Variants in HCN4 observed in about 807,000 individuals in gnomAD.
The protein encoded by HCN4 is potassium/sodium hyperpolarization-activated cyclic nucleotide-gated channel 4.
Under a neutral mutation model 76.9 loss-of-function variants are expected in HCN4, and 29 were observed. The ratio of observed to expected loss-of-function variants is 0.38; its 90% CI spans 0.28 to 0.51. The LOEUF (loss-of-function observed/expected upper bound fraction) is 0.51, where lower values mean the gene tolerates loss of function less well. Ranked by LOEUF, HCN4 falls within the 20% of genes least tolerant of loss-of-function variation. The probability of loss-of-function intolerance (pLI) is 0.90; values close to 1 mark genes in which losing one functional copy is unlikely to be tolerated. For synonymous variants in HCN4, 772 were observed against 762.5 expected (o/e 1.01, Z -0.21); for missense variants, 1,416 against 1,715.2 (o/e 0.83, Z 3.08).
At position 73,368,126 on chromosome 15, in the gene HCN4, G is replaced by A; in HGVS notation, c.145C>T (p.Arg49Trp). Residue 49 changes from arginine to tryptophan, a missense_variant, in exon 1 of 8, where the codon CGG becomes TGG. Around this residue, in one of 6 missense-constraint regions of HCN4, gnomAD observed 355 missense variants for 347.8 expected, o/e 1.02. Coordinates refer to ENST00000261917, the MANE Select transcript of HCN4 (RefSeq NM_005477.3). The surrounding 1 kb of genome is among the most constrained non-coding windows in gnomAD (Gnocchi z 6.9). ...GAGGGCGAGGGCAGTGGCCGCAGCC[G>A]GATGCTCCTGCGGCTGGGGTCTTGG... ...GRQDPSRRSIRLRPLPSPSPS... is the reference protein window; with the variant it reads ...GRQDPSRRSIWLRPLPSPSPS... The A allele has an allele frequency of 1.3e-6, 2 of 1,511,932 alleles. No individual in the cohort carries two copies. The highest frequency in any genetic ancestry group is 1.2e-5 in the South Asian group (1 of 81,310). 93.7% of individuals were successfully genotyped at this position (1,511,932 alleles called of 1,614,324 possible). A position where few individuals can be genotyped will look rare whatever the true frequency, so the allele number is the denominator to read the frequency against.
At chr15:73,327,040 G>C (rs2042904370) in intron 4 of HCN4, among the ~76,000 whole-genome samples, 1 of 151,358 alleles carries the variant, frequency 6.6e-6, no homozygotes, top group African/African-American at 2.4e-5. Context: ...GCTCGCTTCA[G>C]CCTCTCAAAG....
intron 1 of HCN4, among the ~76,000 whole-genome samples, chr15:73,365,754 T>G (rs894512867): frequency 6.6e-6 from 1 of 152,134 alleles, no homozygotes; most frequent in Non-Finnish European, 1.5e-5. Context: ...GCAATGGGCT[T>G]GGTGATGAGA....
At position 73,326,749 on chromosome 15, in the gene HCN4, ATT is replaced by A. The variant is rs888033789; in HGVS notation, c.1591-1307_1591-1306del. On this transcript the variant is annotated intron_variant, in intron 4 of 7. Transcript: ENST00000261917. Reference sequence around the variant, plus strand: ...CTGGCCCTAAAATAAACTCTGATGCATTTTCTTTTCTTTTTTTCTTTTTATTT... The same window carrying A: ...CTGGCCCTAAAATAAACTCTGATGCATTCTTTTCTTTTTTTCTTTTTATTT... Among the ~76,000 whole-genome samples the A allele has an allele frequency of 2.0e-4, 31 of 151,340 alleles. 1 individual carries two copies. The highest frequency in any genetic ancestry group is 5.8e-4 in the African/African-American group (24 of 41,208).
intron 2 of HCN4, among the ~76,000 whole-genome samples, chr15:73,340,703 ACT>A (rs757287306): frequency 2.6e-5 from 4 of 151,190 alleles, no homozygotes; most frequent in Non-Finnish European, 5.9e-5. Context: ...CTGCCCTCCC[ACT>A]CTCTGCCAAC....
intron 1 of HCN4, among the ~76,000 whole-genome samples, chr15:73,355,524 C>A (rs1177309284): frequency 6.6e-6 from 1 of 152,132 alleles, no homozygotes; most frequent in African/African-American, 2.4e-5. Flanking sequence ...ATCCTGAACG[C>A]CAGCTTGAGA....
intron 1 of HCN4, among the ~76,000 whole-genome samples, chr15:73,351,449 C>A (rs2043054801): frequency 6.6e-6 from 1 of 152,206 alleles, no homozygotes; most frequent in Non-Finnish European, 1.5e-5. Flanking sequence ...AGCTTCACAG[C>A]TTCCTCCACA....
intron 1 of HCN4, among the ~76,000 whole-genome samples, chr15:73,361,091 A>G (rs1262217551): frequency 6.6e-6 from 1 of 152,324 alleles, no homozygotes; most frequent in East Asian, 1.9e-4. Flanking sequence ...ATTTAAAAAC[A>G]TTGGCTCAGA....
rs373284500 is a variant in HCN4, at chr15:73,323,820, C to T, written c.2273G>A (p.Arg758His). ...HDREMAHCAH[R>H]VQAAASATPT... is the part of the protein sequence containing the mutation. ...GGTGGCAGAGGCAGCAGCCTGGACG[C>T]GGTGCGCGCAGTGGGCCATCTCCCG... The change falls in exon 8 of 8, where the codon CGC (arginine) becomes CAC (histidine). Residue 758 changes from arginine (R) to histidine (H), a missense_variant. Physicochemically the swap from Arg to His is conservative, Grantham distance 29. Coordinates refer to ENST00000261917, the MANE Select transcript of HCN4 (RefSeq NM_005477.3). 12 of 1,606,396 alleles carry T rather than the reference C, an allele frequency of 7.5e-6. No individual in the cohort carries two copies. The highest frequency in any genetic ancestry group is 5.3e-5 in the African/African-American group (4 of 74,896).
Position 73,323,415 on chromosome 15 carries a change from G to A in HCN4, c.2678C>T (p.Pro893Leu), listed in dbSNP as rs1334139790. 1 of 1,603,694 alleles carries A rather than the reference G, an allele frequency of 6.2e-7. No homozygotes were observed. Among genetic ancestry groups the A allele is most frequent in the Non-Finnish European group, 8.5e-7 (1 of 1,175,874 alleles). The part of the protein sequence containing the change: ...PPGACGSPSA[P>L]TPSAGVAATT... ...GGCGGCTACGCCAGCTGATGGTGTG[G>A]GAGCCGAGGGGGAGCCACAGGCCCC... The change falls in exon 8 of 8, where the codon CCC (proline) becomes CTC (leucine). Residue 893 changes from proline (P) to leucine (L), a missense_variant. Pro to Leu is a moderately conservative substitution (Grantham distance 98). Transcript: ENST00000261917.
At chr15:73,339,823 G>A (rs2042989408) in intron 2 of HCN4, among the ~76,000 whole-genome samples, 1 of 152,176 alleles carries the variant, frequency 6.6e-6, no homozygotes, top group South Asian at 2.1e-4. Flanking sequence ...GCCTGCTATG[G>A]TCCTGGAGAC....
At chr15:73,329,915 T>A in intron 3 of HCN4, 124 bp from the exon 4 acceptor site, 2 of 772,610 alleles carry the variant, frequency 2.6e-6, no homozygotes, top group Non-Finnish European at 4.2e-6. Flanking sequence ...CAGGGCTCCC[T>A]AACCTTGCTG....
In HCN4 at chr15:73,329,627, G is replaced by A. The variant is rs146306966; in HGVS notation, c.1536C>T (p.His512=). 2.5e-4 allele frequency: 404 copies of A among 1,614,168 alleles called. 2 individuals are homozygous for A. In the South Asian group the frequency reaches 3.0e-3, roughly 12 times the overall value. The change falls in exon 4 of 8, where the codon CAC becomes CAT. Residue 512 remains histidine (H), a synonymous_variant. Coordinates refer to ENST00000261917, the MANE Select transcript of HCN4 (RefSeq NM_005477.3). ...GATCYAMFIG[H]ATALIQSLDS... ...CCAGGGACTGGATGAGGGCAGTGGC[G>A]TGGCCAATGAACATGGCGTAGCAGG...
intron 1 of HCN4, among the ~76,000 whole-genome samples, chr15:73,366,614 G>T (rs1031778513): frequency 6.6e-6 from 1 of 152,162 alleles, no homozygotes; most frequent in African/African-American, 2.4e-5. Flanking sequence ...GCTCCCAGTG[G>T]TATCTGCTGT....
At chr15:73,365,798 G>T (rs2043125752) in intron 1 of HCN4, among the ~76,000 whole-genome samples, 1 of 152,184 alleles carries the variant, frequency 6.6e-6, no homozygotes, top group South Asian at 2.1e-4. Context: ...AACAAAAACA[G>T]CAGGGACCTG....
At chr15:73,334,859 C>T (rs2042953431) in intron 2 of HCN4, among the ~76,000 whole-genome samples, 1 of 152,158 alleles carries the variant, frequency 6.6e-6, no homozygotes. Flanking sequence ...CTTTGTGTCC[C>T]TCTCAAATTC....
In HCN4 at chr15:73,325,173, C is replaced by T. The variant is rs761600737; in HGVS notation, c.1760G>A (p.Arg587Gln). 6 of 1,614,128 alleles carry T rather than the reference C, an allele frequency of 3.7e-6. No homozygotes were observed. The highest frequency in any genetic ancestry group is 1.1e-5 in the South Asian group (1 of 91,070). ...LREEIINFNC[R>Q]KLVASMPLFA... ...CAGTGGCATGGAGGCCACCAGCTTC[C>T]GACAGTTAAAGTTGATGATCTCCTG... Residue 587 changes from arginine (R) to glutamine (Q), a missense_variant, in exon 6 of 8, where the codon CGG becomes CAG. Coordinates refer to ENST00000261917, the MANE Select transcript of HCN4 (RefSeq NM_005477.3). The surrounding 1 kb of genome is among the most constrained non-coding windows in gnomAD (Gnocchi z 7.4).
At position 73,325,031 on chromosome 15, in the gene HCN4, G is replaced by A. The variant is rs2151215431; in HGVS notation, c.1902C>T (p.Phe634=). ...REGTIGKKMY[F]IQHGVVSVLT... ...GCACGCTGACCACGCCATGCTGGAT[G>A]AAGTACATCTTCTTGCCAATGGTGC... Residue 634 remains phenylalanine, a synonymous_variant, in exon 6 of 8, where the codon TTC becomes TTT. Coordinates refer to ENST00000261917, the MANE Select transcript of HCN4 (RefSeq NM_005477.3). This position sits in a 1 kb window ranked among gnomAD's most constrained non-coding sequence, Gnocchi z 7.4. The A allele has an allele frequency of 1.2e-6, 2 of 1,614,234 alleles. No homozygotes were observed. The highest frequency in any genetic ancestry group is 1.7e-6 in the Non-Finnish European group (2 of 1,180,042).
intron 1 of HCN4, among the ~76,000 whole-genome samples, chr15:73,350,622 G>A (rs931005307): frequency 6.6e-6 from 1 of 152,062 alleles, no homozygotes; most frequent in South Asian, 2.1e-4. Context: ...AAGCAAAGCC[G>A]CCAGTGTCCC....
At chr15:73,362,461 A>G (rs764569636) in intron 1 of HCN4, among the ~76,000 whole-genome samples, 61 of 152,262 alleles carry the variant, frequency 4.0e-4, no homozygotes, top group Non-Finnish European at 7.5e-4. Context: ...GGCCCCATCC[A>G]GACCTACTGA....
Sources: allele counts gnomAD v4.1 joint callset (sites outside exome capture counted in the v4.1 genomes callset), GRCh38; gene constraint gnomAD v4.1.1; regional missense constraint gnomAD v4.1.1; non-coding constraint Gnocchi (gnomAD v3.1); transcripts MANE v1.5; gene names NCBI Gene and HGNC (gene_info 2026-07-23, HGNC 2026-07-21).